The following MYO1F variants were observed in gnomAD, a reference collection of about 807,000 sequenced individuals.
MYO1F encodes the protein myosin IF, also known as unconventional myosin-If.
MYO1F carries 60 observed loss-of-function variants against 146.6 expected under a neutral mutation model. The observed-to-expected ratio is 0.41, with a 90% confidence interval of 0.33 to 0.51. The LOEUF is 0.51. Ranked by LOEUF, MYO1F falls within the 20% of genes least tolerant of loss-of-function variation. The pLI is 0.25. For synonymous variants in MYO1F, 602 were observed against 602.1 expected, an observed-to-expected ratio of 1.00 and a Z score of 0.00; for missense variants, 1,274 against 1,534.3, an observed-to-expected ratio of 0.83 and a Z score of 2.83.
chr19:8,550,562 G>A lies in MYO1F; in HGVS notation c.904C>T (p.Leu302Phe), dbSNP rs761149613. ...AGCCCTCCCTGATACCCACACTCAC[G>A]GTCCACACTCTCCACTCGGGCGTAA... ...GNYARVESVD[L>F]LAFPAYLLGI... The change falls in exon 9 of 28, where the codon CTC becomes TTC. Residue 302 changes from leucine to phenylalanine, a missense_variant and splice_region_variant. Leu to Phe is a conservative substitution (Grantham distance 22). This residue lies in a region of MYO1F where 900 missense variants were observed against 1,155.1 expected (regional missense o/e 0.78). Transcript: ENST00000644032. The A allele has an allele frequency of 6.8e-6, 11 of 1,614,036 alleles. No individual in the cohort carries two copies. Among genetic ancestry groups the A allele is most frequent in the South Asian group, 4.4e-5 (4 of 91,080 alleles).
At chr19:8,574,175 A>G (rs2042161032) in intron 1 of MYO1F, among the ~76,000 whole-genome samples, 1 of 151,976 alleles carries the variant, frequency 6.6e-6, no homozygotes, top group African/African-American at 2.4e-5. Flanking sequence ...AACCGCCACC[A>G]CCACCAGCCC....
At chr19:8,538,407 C>T (rs1886391302) in intron 16 of MYO1F, among the ~76,000 whole-genome samples, 1 of 152,048 alleles carries the variant, frequency 6.6e-6, no homozygotes, top group Admixed American at 6.6e-5. Flanking sequence ...TCTCCTGCCT[C>T]AGCCTCCTGA....
chr19:8,536,637 G>C, intron 17 of MYO1F, 40 bp from the exon 18 acceptor site: 4 of 538,674 alleles, frequency 7.4e-6, no homozygotes, highest in Non-Finnish European at 1.2e-5. Flanking sequence ...GGGGTGGGGA[G>C]TCACCAGTCC....
At chr19:8,541,869 G>C (rs779460375) in intron 15 of MYO1F, 37 bp downstream of exon 15, 1 of 1,578,800 alleles carries the variant, frequency 6.3e-7, no homozygotes, top group Non-Finnish European at 8.7e-7. Context: ...CCCTTGGGGG[G>C]TTGTAGCCGG....
At chr19:8,536,113 CTGTT>C in intron 19 of MYO1F, 135 bp downstream of exon 19, 1 of 1,123,196 alleles carries the variant, frequency 8.9e-7, no homozygotes, top group Non-Finnish European at 1.3e-6. Context: ...CTCTCTCAAT[CTGTT>C]TCTCAATTTC....
chr19:8,575,854 T>G (rs782623120), intron 1 of MYO1F, among the ~76,000 whole-genome samples: 11 of 152,178 alleles, frequency 7.2e-5, no homozygotes, highest in Non-Finnish European at 1.3e-4. Context: ...GCAAATCACT[T>G]CCTGTGTTCT....
chr19:8,562,029 C>CT (rs1204640006), intron 1 of MYO1F, among the ~76,000 whole-genome samples: 6 of 149,198 alleles, frequency 4.0e-5, no homozygotes, highest in East Asian at 2.0e-4. Context: ...CTTCCTTTTT[C>CT]TTTTTTTTTC....
intron 21 of MYO1F, among the ~76,000 whole-genome samples, chr19:8,528,435 G>A (rs1972354344): frequency 6.6e-6 from 1 of 151,944 alleles, no homozygotes; most frequent in Non-Finnish European, 1.5e-5. Flanking sequence ...GGCTGAGGCA[G>A]GAGAATTGCT....
intron 16 of MYO1F, 51 bp from the exon 17 acceptor site, chr19:8,537,106 C>G: frequency 3.2e-6 from 4 of 1,264,672 alleles, no homozygotes; most frequent in Non-Finnish European, 4.5e-6. Flanking sequence ...ATGGGACCCT[C>G]TGGCCCCTCT....
At chr19:8,550,477 T>G (rs1973557501) in intron 9 of MYO1F, 85 bp downstream of exon 9, 2 of 1,611,344 alleles carry the variant, frequency 1.2e-6, no homozygotes, top group Non-Finnish European at 8.5e-7. Context: ...CTCGTGGGCT[T>G]TCAGCTTCCT....
rs750490893 is a variant in MYO1F at position 8,553,348 on chromosome 19, A to T, written c.414+2T>A. 6.2e-7 allele frequency: 1 copy of T among 1,614,008 alleles called. No homozygotes were observed. The highest frequency in any genetic ancestry group is 8.5e-7 in the Non-Finnish European group (1 of 1,180,000). The stretch of plus-strand genomic sequence containing the variant: ...CTTATCCTTCTGTTTTCCTCGTCTC[A>T]CCTGGACCTTCTCGCCTCCGCCAGA... On this transcript the variant is annotated splice_donor_variant, in intron 5 of 27. Transcript: ENST00000644032. LOFTEE classifies it high-confidence loss of function.
intron 21 of MYO1F, among the ~76,000 whole-genome samples, chr19:8,529,421 G>C (rs2145834829): frequency 6.6e-6 from 1 of 152,206 alleles, no homozygotes; most frequent in East Asian, 1.9e-4. Context: ...AGGGCTGTCT[G>C]GGGCAGAAGA....
intron 12 of MYO1F, among the ~76,000 whole-genome samples, chr19:8,547,208 G>T (rs544028190): frequency 3.2e-4 from 49 of 151,494 alleles, no homozygotes; most frequent in African/African-American, 1.1e-3. Context: ...GGCTGAAGTG[G>T]GAGGATTGCT....
intron 10 of MYO1F, 71 bp downstream of exon 10, chr19:8,550,089 T>G (rs1469854052): frequency 1.9e-6 from 3 of 1,550,118 alleles, no homozygotes; most frequent in Non-Finnish European, 2.6e-6. Flanking sequence ...CGTGAGCCAC[T>G]GCACTCAGCT....
At chr19:8,574,595 C>CTCTTTCTT (rs58145523) in intron 1 of MYO1F, among the ~76,000 whole-genome samples, 15 of 105,908 alleles carry the variant, frequency 1.4e-4, no homozygotes, top group East Asian at 2.5e-4. Flanking sequence ...CTCTCTCTCT[C>CTCTTTCTT]TCTTTCTTTC....
At chr19:8,547,298 CT>C (rs1197651052) in intron 12 of MYO1F, among the ~76,000 whole-genome samples, 2 of 67,560 alleles carry the variant, frequency 3.0e-5, no homozygotes, top group African/African-American at 5.9e-5. Flanking sequence ...GAGTTCCTGT[CT>C]CAAAAAAAAA....
chr19:8,556,917 C>T (rs1010194597), intron 1 of MYO1F, among the ~76,000 whole-genome samples: 3 of 148,892 alleles, frequency 2.0e-5, no homozygotes, highest in Non-Finnish European at 4.4e-5. Context: ...AAAAGGAAGC[C>T]AATCTGAAAA....
At chr19:8,527,000 A>T in intron 22 of MYO1F, 65 bp from the exon 23 acceptor site, 1 of 1,595,028 alleles carries the variant, frequency 6.3e-7, no homozygotes, top group Non-Finnish European at 8.5e-7. Context: ...AGAGAGACAG[A>T]TGAAGGTGGC....
rs764298485 is a variant in MYO1F, at chr19:8,530,188, T to G, written c.2328+8A>C. 6.2e-7 allele frequency: 1 copy of G among 1,614,020 alleles called. No individual in the cohort carries two copies. Among genetic ancestry groups the G allele is most frequent in the Non-Finnish European group, 8.5e-7 (1 of 1,179,976 alleles). ...GGGTCTTGCTGTGCCCACCCACTAG[T>G]GCCTCACCTTGAAGCGGCGGTCGTA... On this transcript the variant is annotated splice_region_variant and intron_variant, in intron 21 of 27. Coordinates refer to ENST00000644032, the MANE Select transcript of MYO1F (RefSeq NM_012335.4). This position sits in a 1 kb window ranked among gnomAD's most constrained non-coding sequence, Gnocchi z 5.8.
Sources: allele counts gnomAD v4.1 joint callset (sites outside exome capture counted in the v4.1 genomes callset), GRCh38; gene constraint gnomAD v4.1.1; regional missense constraint gnomAD v4.1.1; non-coding constraint Gnocchi (gnomAD v3.1); transcripts MANE v1.5; gene names NCBI Gene and HGNC (gene_info 2026-07-23, HGNC 2026-07-21).